Variants in SOX5 observed in about 807,000 individuals in gnomAD.
SOX5 encodes transcription factor SOX-5.
SOX5 carries 9 observed loss-of-function variants against 92.0 expected under a neutral mutation model. The observed-to-expected ratio is 0.10, with a 90% CI of 0.06 to 0.17. The LOEUF (loss-of-function observed/expected upper bound fraction) is 0.17, where lower values mean the gene tolerates loss of function less well. SOX5 is among the 10% of genes least tolerant of loss of function. The pLI is 1.00. For synonymous variants in SOX5, 344 were observed against 336.3 expected, an observed-to-expected ratio of 1.02 and a Z score of -0.25; for missense variants, 642 against 944.5, an observed-to-expected ratio of 0.68 and a Z score of 4.20.
At chr12:23,805,928 T>C (rs2095761741) in intron 3 of SOX5, among the ~76,000 whole-genome samples, 1 of 152,226 alleles carries the variant, frequency 6.6e-6, no homozygotes, top group Non-Finnish European at 1.5e-5. Context: ...TATTTGTTCA[T>C]TACTCTTCTA....
At chr12:23,571,440 G>T (rs1948362488) in intron 10 of SOX5, among the ~76,000 whole-genome samples, 1 of 152,236 alleles carries the variant, frequency 6.6e-6, no homozygotes, top group East Asian at 1.9e-4. Flanking sequence ...AAGACTGTAG[G>T]CACCTAAAGT....
chr12:24,386,574 T>C (rs574456234), intron 1 of SOX5, among the ~76,000 whole-genome samples: 52 of 152,260 alleles, frequency 3.4e-4, no homozygotes, highest in Non-Finnish European at 4.3e-4. Flanking sequence ...CATAAATATA[T>C]GAAATTGGCA....
intron 3 of SOX5, among the ~76,000 whole-genome samples, chr12:23,765,934 C>T (rs1339375859): frequency 6.6e-6 from 1 of 152,116 alleles, no homozygotes; most frequent in Non-Finnish European, 1.5e-5. Context: ...GGAAACTCAT[C>T]ATCTCCTGAG....
At chr12:23,860,971 A>AAAAAAAAAAAAAAAC in intron 2 of SOX5, among the ~76,000 whole-genome samples, 1 of 148,674 alleles carries the variant, frequency 6.7e-6, no homozygotes, top group East Asian at 1.9e-4. Context: ...AAAAAAAAAA[A>AAAAAAAAAAAAAAAC]AAAAAAACCC....
In SOX5 at chr12:23,949,597, A is replaced by C. The variant is rs1680866545; in HGVS notation, c.5T>G (p.Leu2Arg). The C allele has an allele frequency of 2.5e-6, 4 of 1,613,818 alleles. No homozygotes were observed. Among genetic ancestry groups the C allele is most frequent in the Non-Finnish European group, 2.5e-6 (3 of 1,179,706 alleles). The change falls in exon 1 of 15, where the codon CTT becomes CGT. Residue 2 changes from leucine (L) to arginine (R), a missense_variant. Physicochemically the swap from Leu to Arg is moderately radical, Grantham distance 102. This residue lies in a region of SOX5 where 113 missense variants were observed against 117.7 expected (regional missense o/e 0.96). Transcript: ENST00000451604. MLTDPDLPQEFE... is the reference protein window; with the variant it reads MRTDPDLPQEFE... The stretch of plus-strand genomic sequence containing the variant: ...CTCCTGAGGTAAATCAGGGTCAGTA[A>C]GCATGCTGGAAAAGCACAATTTCCC...
intron 1 of SOX5, among the ~76,000 whole-genome samples, chr12:24,541,527 C>CTACT (rs1952127812): frequency 6.6e-6 from 1 of 152,134 alleles, no homozygotes; most frequent in Non-Finnish European, 1.5e-5. Context: ...CTTAGCTGCC[C>CTACT]TACTTTCCTT....
intron 4 of SOX5, among the ~76,000 whole-genome samples, chr12:23,990,958 T>G (rs1398302818): frequency 6.6e-6 from 1 of 152,018 alleles, no homozygotes. Context: ...ACTGATAGAC[T>G]TAAATTTAAC....
intron 3 of SOX5, among the ~76,000 whole-genome samples, chr12:23,786,517 T>C (rs2095380354): frequency 6.8e-6 from 1 of 146,736 alleles, no homozygotes; most frequent in Non-Finnish European, 1.5e-5. Context: ...CACTTTTCCA[T>C]TGGTGGACAG....
intron 1 of SOX5, among the ~76,000 whole-genome samples, chr12:24,409,510 T>C (rs892648215): frequency 1.3e-5 from 2 of 152,180 alleles, no homozygotes; most frequent in Admixed American, 1.3e-4. Context: ...GTCATAAACA[T>C]TTATATACAG....
chr12:23,985,374 C>T (rs74530727), intron 4 of SOX5, among the ~76,000 whole-genome samples: 3,871 of 151,978 alleles, frequency 0.025, 158 homozygotes, highest in African/African-American at 0.089. Context: ...TTGATTTTTC[C>T]AAAGTGCTGG....
At chr12:24,031,610 G>C (rs10842262) in intron 4 of SOX5, among the ~76,000 whole-genome samples, 66,073 of 151,462 alleles carry the variant, frequency 0.44, 14,862 homozygotes, top group East Asian at 0.63. Context: ...ATGTACACTA[G>C]TTTCTAACTT....
chr12:24,360,061 G>C (rs1955365484), intron 2 of SOX5, among the ~76,000 whole-genome samples: 1 of 152,172 alleles, frequency 6.6e-6, no homozygotes, highest in African/African-American at 2.4e-5. Flanking sequence ...AAGGGAAGGA[G>C]ACAGAATCTT....
At chr12:23,568,792 C>A (rs1334265923) in intron 10 of SOX5, among the ~76,000 whole-genome samples, 1 of 151,990 alleles carries the variant, frequency 6.6e-6, no homozygotes, top group Admixed American at 6.6e-5. Context: ...CCTGATATCT[C>A]ACTATGCCTT....
chr12:23,543,115 C>A, intron 13 of SOX5, 96 bp downstream of exon 13: 1 of 970,206 alleles, frequency 1.0e-6, no homozygotes, highest in Non-Finnish European at 1.5e-6. Context: ...ATAACACGAC[C>A]TGTATGGCCT....
intron 4 of SOX5, among the ~76,000 whole-genome samples, chr12:24,061,029 T>C (rs1245692554): frequency 1.3e-5 from 2 of 152,234 alleles, no homozygotes; most frequent in Admixed American, 1.3e-4. Flanking sequence ...GAGCCCAGTA[T>C]CACCTCACAG....
chr12:24,059,822 A>C, intron 4 of SOX5, among the ~76,000 whole-genome samples: 1 of 152,258 alleles, frequency 6.6e-6, no homozygotes, highest in Non-Finnish European at 1.5e-5. Flanking sequence ...TACATCGTTA[A>C]TGGAAGATTC....
intron 2 of SOX5, among the ~76,000 whole-genome samples, chr12:24,337,922 T>G (rs1952089842): frequency 6.6e-6 from 1 of 151,242 alleles, no homozygotes; most frequent in Non-Finnish European, 1.5e-5. Flanking sequence ...GGAATCACAA[T>G]GTGACACACA....
rs1957022454 is a variant in SOX5, at chr12:24,196,475, A to T, written c.-2+16868T>A. ...TACAACAGCATTTTCTAAATGGAGA[A>T]ACTGGAGTAGCAAAAAAGATAAAGT... is the stretch of plus-strand genomic sequence containing the variant. On this transcript the variant is annotated intron_variant, in intron 4 of 4. Transcript: ENST00000446891. Among the ~76,000 whole-genome samples, 4 of 152,218 alleles carry T rather than the reference A, an allele frequency of 2.6e-5. 1 individual carries two copies. The South Asian group carries it at 8.3e-4, about 32-fold the overall frequency.
intron 3 of SOX5, among the ~76,000 whole-genome samples, chr12:23,771,970 A>G (rs1456070064): frequency 1.3e-5 from 2 of 152,230 alleles, no homozygotes; most frequent in Admixed American, 1.3e-4. Context: ...ATATAAATTC[A>G]TAGAAATATG....
Sources: gnomAD v4.1 joint callset for allele counts (sites outside exome capture counted in the v4.1 genomes callset) on GRCh38, gnomAD v4.1.1 for gene constraint, gnomAD v4.1.1 regional missense constraint, MANE v1.5 for transcripts, NCBI Gene and HGNC (gene_info 2026-07-23, HGNC 2026-07-21) for gene names.